PSMD14: variants seen among roughly 807,000 people sequenced by gnomAD.
PSMD14 encodes ubiquitin C-terminal hydrolase PSMD14.
In PSMD14, 7 loss-of-function variants were observed where a neutral mutation model predicts 41.2. The ratio of observed to expected loss-of-function variants is 0.17; its 90% CI spans 0.10 to 0.32. PSMD14 has a LOEUF of 0.32. Ranked by LOEUF, PSMD14 falls within the 10% of genes least tolerant of loss-of-function variation. The probability of loss-of-function intolerance (pLI) is 1.00; values close to 1 mark genes in which losing one functional copy is unlikely to be tolerated. For synonymous variants in PSMD14, 114 were observed against 122.3 expected, an observed-to-expected ratio of 0.93 and a Z score of 0.45; for missense variants, 139 against 375.6, an observed-to-expected ratio of 0.37 and a Z score of 5.21.
chr2:161,400,603 GAGTACAATAGCATGATCATGGTTCACTGT>G, intron 10 of PSMD14, among the ~76,000 whole-genome samples: 1 of 152,076 alleles, frequency 6.6e-6, no homozygotes, highest in East Asian at 1.9e-4. Flanking sequence ...ACTCAGTCTG[GAGTACAATAGCATGATCATGGTTCACTGT>G]AGCTTCCACC....
chr2:161,348,051 C>T (rs1023290758), intron 3 of PSMD14, among the ~76,000 whole-genome samples: 2 of 152,100 alleles, frequency 1.3e-5, no homozygotes, highest in African/African-American at 4.8e-5. Context: ...TTAGTAGAAG[C>T]AGAAATGTAC....
intron 7 of PSMD14, chr2:161,384,985 T>C (rs1171305454): frequency 6.6e-6 from 1 of 152,058 alleles, no homozygotes; most frequent in Non-Finnish European, 1.5e-5. Context: ...AGAGAATATG[T>C]GGGCAAGTGC....
chr2:161,403,774 A>C (rs970924224), intron 10 of PSMD14, among the ~76,000 whole-genome samples: 12 of 151,704 alleles, frequency 7.9e-5, no homozygotes, highest in Non-Finnish European at 2.9e-5. Context: ...CTATATTCCC[A>C]TCCCCACTCC....
chr2:161,404,504 A>G (rs933607625), intron 10 of PSMD14, among the ~76,000 whole-genome samples: 2 of 152,104 alleles, frequency 1.3e-5, no homozygotes, highest in Non-Finnish European at 2.9e-5. Context: ...ACTGTTCTCT[A>G]TCATGGCACC....
rs150437455 is a variant in PSMD14, at chr2:161,337,356, G to A, written c.48+18483G>A. ...AAGATGTTTATTGTTAGGAGTAGTA[G>A]TAGCAGCAGCTGTGTGCCAGACACT... On this transcript the variant is annotated intron_variant, in intron 3 of 11. Coordinates refer to ENST00000409682, the MANE Select transcript of PSMD14 (RefSeq NM_005805.6). Among the ~76,000 whole-genome samples, 264 of 152,326 alleles carry A rather than the reference G, an allele frequency of 1.7e-3. 1 individual carries two copies. The highest frequency in any genetic ancestry group is 3.0e-3 in the Non-Finnish European group (205 of 68,024).
chr2:161,390,230 T>C (rs990239727), intron 8 of PSMD14, among the ~76,000 whole-genome samples: 1 of 152,078 alleles, frequency 6.6e-6, no homozygotes, highest in African/African-American at 2.4e-5. Flanking sequence ...GTGGTTATTT[T>C]GGTTAGTTTT....
At chr2:161,326,100 T>A (rs1374558098) in intron 3 of PSMD14, among the ~76,000 whole-genome samples, 4 of 152,170 alleles carry the variant, frequency 2.6e-5, no homozygotes, top group Non-Finnish European at 5.9e-5. Flanking sequence ...TGCAGTGGCA[T>A]GATCTTGGCT....
At chr2:161,358,577 T>C (rs1683239634) in intron 3 of PSMD14, among the ~76,000 whole-genome samples, 1 of 152,204 alleles carries the variant, frequency 6.6e-6, no homozygotes, top group African/African-American at 2.4e-5. Flanking sequence ...CTCATTAATC[T>C]GACCACTCCT....
chr2:161,322,621 C>G (rs1272214703), intron 3 of PSMD14, among the ~76,000 whole-genome samples: 2 of 152,056 alleles, frequency 1.3e-5, no homozygotes, highest in Admixed American at 6.5e-5. Flanking sequence ...AACTCCTGAC[C>G]TCAAGTGATC....
chr2:161,333,933 A>T (rs563006980), intron 3 of PSMD14, among the ~76,000 whole-genome samples: 8 of 152,188 alleles, frequency 5.3e-5, no homozygotes, highest in Admixed American at 1.3e-4. Context: ...TGGTAGGCTG[A>T]GGCAGGAGAA....
At chr2:161,387,927 A>G (rs1460395835) in intron 8 of PSMD14, among the ~76,000 whole-genome samples, 2 of 152,090 alleles carry the variant, frequency 1.3e-5, no homozygotes, top group African/African-American at 4.8e-5. Context: ...AGGAGAAAGT[A>G]TAATGCCTAT....
At chr2:161,325,963 G>A (rs1682689028) in intron 3 of PSMD14, among the ~76,000 whole-genome samples, 1 of 152,120 alleles carries the variant, frequency 6.6e-6, no homozygotes, top group South Asian at 2.1e-4. Context: ...ACTAAAATTA[G>A]ATTCCTGCCT....
At position 161,308,460 on chromosome 2, in the gene PSMD14, G is replaced by C. The variant is rs989234407; in HGVS notation, c.-282G>C. 6.6e-6 allele frequency: 1 copy of C among 152,296 alleles called. No individual in the cohort carries two copies. The highest frequency in any genetic ancestry group is 1.5e-5 in the Non-Finnish European group (1 of 68,078). 9.4% of individuals were successfully genotyped at this position (152,296 alleles called of 1,614,324 possible). Reference sequence around the variant, plus strand: ...CGGCGGAGGCCCGGGCAACTCTTTTGAATGGAATCGGGCTGATTCATCGCC... The same window carrying C: ...CGGCGGAGGCCCGGGCAACTCTTTTCAATGGAATCGGGCTGATTCATCGCC... On this transcript the variant is annotated 5_prime_UTR_variant, in exon 1 of 12. Coordinates refer to ENST00000409682, the MANE Select transcript of PSMD14 (RefSeq NM_005805.6).
chr2:161,362,924 G>T (rs564718633), intron 3 of PSMD14, among the ~76,000 whole-genome samples: 1 of 151,940 alleles, frequency 6.6e-6, no homozygotes, highest in South Asian at 2.1e-4. Context: ...TTTGTTTATT[G>T]TTTCTGTTTA....
intron 3 of PSMD14, among the ~76,000 whole-genome samples, chr2:161,332,617 C>G (rs965375914): frequency 2.0e-5 from 3 of 152,200 alleles, no homozygotes; most frequent in African/African-American, 7.2e-5. Context: ...TGAAAACTCT[C>G]ACTTTAATGA....
intron 8 of PSMD14, among the ~76,000 whole-genome samples, chr2:161,386,925 C>T (rs139414192): frequency 2.6e-5 from 4 of 151,990 alleles, no homozygotes; most frequent in South Asian, 2.1e-4. Context: ...ATATTAATAA[C>T]GTGTTTTTTC....
chr2:161,348,510 A>T (rs1463790123), intron 3 of PSMD14, among the ~76,000 whole-genome samples: 1 of 152,256 alleles, frequency 6.6e-6, no homozygotes, highest in African/African-American at 2.4e-5. Context: ...GAATGTGTAC[A>T]TAATTGTACT....
chr2:161,315,625 T>C (rs1689139242), intron 1 of PSMD14, among the ~76,000 whole-genome samples: 1 of 152,076 alleles, frequency 6.6e-6, no homozygotes, highest in Non-Finnish European at 1.5e-5. Context: ...CATATTCTTG[T>C]CATTTTAGTG....
intron 11 of PSMD14, among the ~76,000 whole-genome samples, chr2:161,410,600 G>A (rs1384049142): frequency 6.6e-6 from 1 of 151,756 alleles, no homozygotes; most frequent in African/African-American, 2.4e-5. Context: ...TTTTAACTCA[G>A]TCTATTTCAA....
Sources: gnomAD v4.1 joint callset for allele counts (sites outside exome capture counted in the v4.1 genomes callset) on GRCh38, gnomAD v4.1.1 for gene constraint, MANE v1.5 for transcripts, NCBI Gene and HGNC (gene_info 2026-07-23, HGNC 2026-07-21) for gene names.